Variants in IFNG-AS1 observed in about 807,000 individuals in gnomAD.
IFNG-AS1 encodes the protein IFNG antisense RNA 1 (non-protein coding).
intron 2 of IFNG-AS1, among the ~76,000 whole-genome samples, chr12:68,000,168 T>C (rs1397806303): frequency 6.6e-6 from 1 of 152,196 alleles, no homozygotes; most frequent in Non-Finnish European, 1.5e-5. Flanking sequence ...ATATTAACAC[T>C]GGGAGAAGTT....
At chr12:68,006,408 A>C (rs141142665) in intron 3 of IFNG-AS1, among the ~76,000 whole-genome samples, 2,203 of 152,330 alleles carry the variant, frequency 0.014, 23 homozygotes, top group Middle Eastern at 0.024. Flanking sequence ...TTTTTTTATA[A>C]GCTGAGATTA....
rs991002355 is a variant in IFNG-AS1, at chr12:67,992,016, T to C, written n.51+2437T>C. 3.9e-5 allele frequency among the ~76,000 whole-genome samples: 6 copies of C among 152,240 alleles called. No individual in the cohort carries two copies. In the East Asian group the frequency reaches 9.6e-4, roughly 24 times the overall value. On this transcript the variant is annotated intron_variant and non_coding_transcript_variant, in intron 1 of 5. Transcript: ENST00000536914. ...GAAAGGTTAAAGTTGACTCTAATTA[T>C]GTACTACCTTTCAAGCCAATTCTCT...
chr12:67,998,345 C>A (rs1879688797), intron 2 of IFNG-AS1, among the ~76,000 whole-genome samples: 1 of 150,598 alleles, frequency 6.6e-6, no homozygotes, highest in South Asian at 2.1e-4. Flanking sequence ...TTTTTCAGAA[C>A]ACAATCCAAA....
intron 3 of IFNG-AS1, among the ~76,000 whole-genome samples, chr12:68,015,688 A>C (rs1177794649): frequency 6.6e-6 from 1 of 152,200 alleles, no homozygotes; most frequent in African/African-American, 2.4e-5. Context: ...AAATAAAAGG[A>C]CATATAGTAA....
intron 2 of IFNG-AS1, among the ~76,000 whole-genome samples, chr12:67,998,330 G>T (rs1398520486): frequency 6.6e-6 from 1 of 151,726 alleles, no homozygotes; most frequent in African/African-American, 2.4e-5. Context: ...AACCTATTTG[G>T]ATTGTTTTTC....
intron 3 of IFNG-AS1, among the ~76,000 whole-genome samples, chr12:68,016,840 A>G (rs2120479959): frequency 6.6e-6 from 1 of 152,140 alleles, no homozygotes; most frequent in Non-Finnish European, 1.5e-5. Context: ...TCTGTCTATC[A>G]CTTGTTCATC....
intron 1 of IFNG-AS1, among the ~76,000 whole-genome samples, chr12:67,990,335 A>G (rs1288891647): frequency 2.0e-5 from 3 of 152,224 alleles, no homozygotes; most frequent in South Asian, 4.1e-4. Context: ...CTTAACTGGT[A>G]AAAGGGCTGC....
chr12:68,005,490 C>A (rs947182145), intron 2 of IFNG-AS1, among the ~76,000 whole-genome samples: 2 of 152,182 alleles, frequency 1.3e-5, no homozygotes, highest in South Asian at 2.1e-4. Flanking sequence ...AGCAAAAAAA[C>A]CCAAAAACGA....
intron 3 of IFNG-AS1, chr12:68,019,780 C>T (rs1880243450): frequency 6.6e-6 from 1 of 152,176 alleles, no homozygotes; most frequent in African/African-American, 2.4e-5. Context: ...TGTTTAGAAC[C>T]TTCCACTGAT....
chr12:68,004,410 A>C (rs990193162), intron 2 of IFNG-AS1, among the ~76,000 whole-genome samples: 7 of 151,998 alleles, frequency 4.6e-5, no homozygotes, highest in Non-Finnish European at 1.0e-4. Context: ...CTCTCTTCCC[A>C]ATGCTGGATC....
chr12:68,016,308 T>C (rs1311756993), intron 3 of IFNG-AS1, among the ~76,000 whole-genome samples: 6 of 152,054 alleles, frequency 3.9e-5, no homozygotes, highest in Non-Finnish European at 8.8e-5. Flanking sequence ...CAGTCACTTG[T>C]TAAAACCAAT....
At chr12:68,012,261 C>T (rs1252628223) in intron 3 of IFNG-AS1, among the ~76,000 whole-genome samples, 1 of 152,126 alleles carries the variant, frequency 6.6e-6, no homozygotes, top group Non-Finnish European at 1.5e-5. Flanking sequence ...TTATCTGCCA[C>T]CGGCCAGGAC....
intron 3 of IFNG-AS1, among the ~76,000 whole-genome samples, chr12:68,008,691 C>A (rs2120457272): frequency 6.6e-6 from 1 of 152,258 alleles, no homozygotes; most frequent in East Asian, 1.9e-4. Context: ...CTCCCATATG[C>A]TAGGGTTTCA....
intron 2 of IFNG-AS1, among the ~76,000 whole-genome samples, chr12:67,996,454 T>C (rs1465264384): frequency 6.6e-6 from 1 of 152,244 alleles, no homozygotes; most frequent in East Asian, 1.9e-4. Context: ...ATTTTGTTAT[T>C]TTTATAACTA....
At chr12:68,018,422 G>A (rs545649212) in intron 3 of IFNG-AS1, among the ~76,000 whole-genome samples, 4 of 152,256 alleles carry the variant, frequency 2.6e-5, no homozygotes, top group African/African-American at 9.6e-5. Context: ...AAAGTAGCCT[G>A]TGAATGCAGT....
At chr12:68,019,619 C>A (rs764295384) in intron 3 of IFNG-AS1, among the ~76,000 whole-genome samples, 2 of 152,174 alleles carry the variant, frequency 1.3e-5, no homozygotes, top group African/African-American at 2.4e-5. Context: ...GGGGCACCCA[C>A]ACTAGAGTAG....
At chr12:67,999,883 G>A (rs1471710698) in intron 2 of IFNG-AS1, among the ~76,000 whole-genome samples, 1 of 152,178 alleles carries the variant, frequency 6.6e-6, no homozygotes, top group Non-Finnish European at 1.5e-5. Flanking sequence ...TTAACCAAGT[G>A]TTGAAGGCTA....
At chr12:67,990,053 G>A (rs1879467237) in intron 1 of IFNG-AS1, among the ~76,000 whole-genome samples, 1 of 152,142 alleles carries the variant, frequency 6.6e-6, no homozygotes, top group Admixed American at 6.5e-5. Flanking sequence ...AAGGTGGTGA[G>A]TGCCATGTCA....
intron 3 of IFNG-AS1, among the ~76,000 whole-genome samples, chr12:68,018,389 C>A (rs147232609): frequency 0.02 from 3,093 of 152,276 alleles, 39 homozygotes; most frequent in Non-Finnish European, 0.031. Context: ...ACTCATCTCA[C>A]AATCTAAGCC....
Sources: gnomAD v4.1 joint callset for allele counts (sites outside exome capture counted in the v4.1 genomes callset) on GRCh38, gnomAD v4.1.1 for gene constraint, MANE v1.5 for transcripts, NCBI Gene and HGNC (gene_info 2026-07-23, HGNC 2026-07-21) for gene names.